Variants in PHLPP1 observed in about 807,000 individuals in gnomAD.
The protein encoded by PHLPP1 is PH domain leucine-rich repeat-containing protein phosphatase 1.
PHLPP1 carries 42 observed loss-of-function variants against 117.2 expected under a neutral mutation model. The ratio of observed to expected loss-of-function variants is 0.36; its 90% CI spans 0.28 to 0.46. PHLPP1 has a LOEUF of 0.46. Among genes scored for constraint, PHLPP1 ranks in the 20% least tolerant of loss-of-function variants. The pLI, the probability that PHLPP1 is intolerant of heterozygous loss-of-function variation, is 1.00. For synonymous variants in PHLPP1, 1,042 were observed against 970.7 expected (o/e 1.07, Z -1.37); for missense variants, 2,084 against 2,241.9 (o/e 0.93, Z 1.42).
Position 62,841,396 on chromosome 18 carries a change from G to A in PHLPP1, c.1899+2487G>A, listed in dbSNP as rs192306033. Among the ~76,000 whole-genome samples the A allele has an allele frequency of 2.1e-3, 309 of 147,670 alleles. 2 individuals are homozygous for A. Among genetic ancestry groups the A allele is most frequent in the Non-Finnish European group, 3.5e-3 (235 of 67,248 alleles). ...CGCCCAGGCTGGAGTGTAATGGGACGGTCTTGGCTCACTGCAACCTATGCC... is the reference window on the plus strand; with the variant it reads ...CGCCCAGGCTGGAGTGTAATGGGACAGTCTTGGCTCACTGCAACCTATGCC... On this transcript the variant is annotated intron_variant, in intron 3 of 16. Transcript: ENST00000262719.
intron 13 of PHLPP1, among the ~76,000 whole-genome samples, chr18:62,960,420 C>T (rs1157205308): frequency 1.3e-5 from 2 of 152,036 alleles, no homozygotes; most frequent in Non-Finnish European, 2.9e-5. Flanking sequence ...ACTTTTTATA[C>T]ATAAAAGTGT....
chr18:62,945,108 G>T lies in PHLPP1; in HGVS notation c.3162-1G>T. On this transcript the variant is annotated splice_acceptor_variant, in intron 11 of 16. Transcript: ENST00000262719. LOFTEE classifies it high-confidence loss of function. ...AATTGCTTTATTTTCTCTTTTTTTA[G>T]TAAAATGGCGAAACTGGAGGAACTT... 1 of 1,566,244 alleles carries T rather than the reference G, an allele frequency of 6.4e-7. No homozygotes were observed. The highest frequency in any genetic ancestry group is 8.6e-7 in the Non-Finnish European group (1 of 1,161,030).
chr18:62,721,533 G>A (rs1432183342), intron 1 of PHLPP1, among the ~76,000 whole-genome samples: 1 of 151,604 alleles, frequency 6.6e-6, no homozygotes, highest in African/African-American at 2.4e-5. Context: ...TATCTTATTT[G>A]CTTAAACTTA....
intron 1 of PHLPP1, among the ~76,000 whole-genome samples, chr18:62,823,268 CAT>C (rs1194681808): frequency 6.6e-6 from 1 of 152,038 alleles, no homozygotes; most frequent in Non-Finnish European, 1.5e-5. Flanking sequence ...ATTTGCAAGT[CAT>C]ATATTTGACA....
intron 12 of PHLPP1, among the ~76,000 whole-genome samples, chr18:62,950,700 C>A (rs1910427588): frequency 6.6e-6 from 1 of 152,078 alleles, no homozygotes; most frequent in African/African-American, 2.4e-5. Flanking sequence ...TAATGCATAT[C>A]CAAAACCTGA....
chr18:62,936,294 C>T (rs556164108), intron 10 of PHLPP1, among the ~76,000 whole-genome samples: 8 of 152,234 alleles, frequency 5.3e-5, no homozygotes, highest in African/African-American at 1.9e-4. Context: ...TATGACCATA[C>T]TGAAATAAAG....
At chr18:62,766,076 A>AAAAATATATATATATATAT in intron 1 of PHLPP1, among the ~76,000 whole-genome samples, 33 of 21,634 alleles carry the variant, frequency 1.5e-3, no homozygotes, top group Non-Finnish European at 2.2e-3. Context: ...AAAAAAAAAA[A>AAAAATATATATATATATAT]ATATATATAT....
intron 4 of PHLPP1, among the ~76,000 whole-genome samples, chr18:62,880,064 G>A (rs1446072500): frequency 6.6e-6 from 1 of 152,080 alleles, no homozygotes; most frequent in Admixed American, 6.6e-5. Context: ...CAAGTTCCTG[G>A]AGGGTGAAAA....
intron 10 of PHLPP1, among the ~76,000 whole-genome samples, chr18:62,934,138 C>T (rs1001196912): frequency 1.3e-5 from 2 of 152,080 alleles, no homozygotes; most frequent in African/African-American, 4.8e-5. Context: ...ATTAGTTCAA[C>T]CCCTGTGGAA....
chr18:62,815,359 G>T (rs181797110), intron 1 of PHLPP1, among the ~76,000 whole-genome samples: 1 of 151,870 alleles, frequency 6.6e-6, no homozygotes, highest in Non-Finnish European at 1.5e-5. Context: ...GGGTTTCACC[G>T]TGTTAGCCAG....
At chr18:62,899,762 T>A (rs1160645628) in intron 6 of PHLPP1, among the ~76,000 whole-genome samples, 1 of 152,208 alleles carries the variant, frequency 6.6e-6, no homozygotes, top group Non-Finnish European at 1.5e-5. Flanking sequence ...CTTGATCTCC[T>A]GGACTTAAGT....
At chr18:62,772,804 C>T (rs1419643017) in intron 1 of PHLPP1, among the ~76,000 whole-genome samples, 3 of 134,540 alleles carry the variant, frequency 2.2e-5, no homozygotes, top group Admixed American at 1.5e-4. Context: ...GCACTCCAGC[C>T]TGGGCTACTA....
chr18:62,748,216 TAGC>T (rs1911735328), intron 1 of PHLPP1, among the ~76,000 whole-genome samples: 1 of 151,840 alleles, frequency 6.6e-6, no homozygotes, highest in Non-Finnish European at 1.5e-5. Flanking sequence ...TGTTGATAAA[TAGC>T]AGGCAAATTC....
At chr18:62,757,978 A>T (rs1912079980) in intron 1 of PHLPP1, among the ~76,000 whole-genome samples, 1 of 152,166 alleles carries the variant, frequency 6.6e-6, no homozygotes, top group Non-Finnish European at 1.5e-5. Flanking sequence ...TCAGCTGTGG[A>T]AAGTTCTAGT....
chr18:62,948,760 C>A (rs573926791), intron 12 of PHLPP1, among the ~76,000 whole-genome samples: 1 of 151,738 alleles, frequency 6.6e-6, no homozygotes, highest in East Asian at 1.9e-4. Context: ...GTAAATGTTT[C>A]ATCCCTGGAC....
chr18:62,746,147 G>A (rs994492895), intron 1 of PHLPP1, among the ~76,000 whole-genome samples: 4 of 152,028 alleles, frequency 2.6e-5, no homozygotes, highest in Non-Finnish European at 5.9e-5. Context: ...GGGTTCAAGC[G>A]ATTCTCCTGC....
intron 4 of PHLPP1, among the ~76,000 whole-genome samples, chr18:62,877,645 AAG>A (rs1407342637): frequency 1.3e-5 from 2 of 152,226 alleles, no homozygotes; most frequent in African/African-American, 4.8e-5. Context: ...CCAGAACTGG[AAG>A]TTCCTTTCTT....
chr18:62,978,729 T>C lies in PHLPP1; in HGVS notation c.4452T>C (p.Ser1484=). The change falls in exon 17 of 17, where the codon TCT becomes TCC. Residue 1484 remains serine (S), a synonymous_variant. Transcript: ENST00000262719. This position sits in a 1 kb window ranked among gnomAD's most constrained non-coding sequence, Gnocchi z 7.0. ...ASEISSELST[S]EMSSEVGSTA... ...AGATTAGCAGTGAGCTCTCCACTTCTGAGATGAGCAGCGAGGTGGGGTCAA... is the reference window on the plus strand; with the variant it reads ...AGATTAGCAGTGAGCTCTCCACTTCCGAGATGAGCAGCGAGGTGGGGTCAA... The C allele has an allele frequency of 6.2e-7, 1 of 1,613,406 alleles. No individual in the cohort carries two copies. The highest frequency in any genetic ancestry group is 8.5e-7 in the Non-Finnish European group (1 of 1,179,734).
chr18:62,725,587 T>G (rs1568094787), intron 1 of PHLPP1, among the ~76,000 whole-genome samples: 1 of 152,074 alleles, frequency 6.6e-6, no homozygotes, highest in Non-Finnish European at 1.5e-5. Context: ...TTATCAGAAA[T>G]ATGCCATTGC....
Sources: allele counts gnomAD v4.1 joint callset (sites outside exome capture counted in the v4.1 genomes callset), GRCh38; gene constraint gnomAD v4.1.1; non-coding constraint Gnocchi (gnomAD v3.1); transcripts MANE v1.5; gene names NCBI Gene and HGNC (gene_info 2026-07-23, HGNC 2026-07-21).